Variants in SPP2 observed in about 807,000 individuals in gnomAD.
The protein encoded by SPP2 is secreted phosphoprotein 2, also known as secreted phosphoprotein 24.
In SPP2, 34 loss-of-function variants were observed where a neutral mutation model predicts 28.8. The ratio of observed to expected loss-of-function variants is 1.18; its 90% CI spans 0.90 to 1.57. The LOEUF (loss-of-function observed/expected upper bound fraction) is 1.57, where lower values mean the gene tolerates loss of function less well. Ranked by LOEUF, SPP2 falls within the 40% of genes most tolerant of loss-of-function variation. The pLI is 0.00. For synonymous variants in SPP2, 96 were observed against 89.4 expected, an observed-to-expected ratio of 1.07 and a Z score of -0.42; for missense variants, 269 against 263.9, an observed-to-expected ratio of 1.02 and a Z score of -0.13.
intron 4 of SPP2, among the ~76,000 whole-genome samples, chr2:234,065,581 C>T (rs1440015938): frequency 6.6e-6 from 1 of 152,150 alleles, no homozygotes; most frequent in Admixed American, 6.6e-5. Flanking sequence ...GCCTAGCTCT[C>T]ATTGTGGTTT....
intron 2 of SPP2, among the ~76,000 whole-genome samples, chr2:234,057,929 T>C (rs1347080276): frequency 6.6e-6 from 1 of 152,202 alleles, no homozygotes; most frequent in African/African-American, 2.4e-5. Flanking sequence ...TTCTTACTTG[T>C]AGTAGTTATG....
At position 234,070,596 on chromosome 2, in the gene SPP2, G is replaced by A. The variant is rs112145767; in HGVS notation, c.*10+573G>A. 6.1e-3 allele frequency among the ~76,000 whole-genome samples: 935 copies of A among 152,166 alleles called. 11 individuals are homozygous for A. Among genetic ancestry groups the A allele is most frequent in the African/African-American group, 0.02 (840 of 41,512 alleles). ...CCCACCTCAGCCTCTCTAGTAGCTGGGATTACAGGCTCCTGCCACCACGCT... is the reference window on the plus strand; with the variant it reads ...CCCACCTCAGCCTCTCTAGTAGCTGAGATTACAGGCTCCTGCCACCACGCT... On this transcript the variant is annotated intron_variant, in intron 7 of 7. Transcript: ENST00000168148.
chr2:234,060,735 ACACACACACACG>A, intron 4 of SPP2, among the ~76,000 whole-genome samples: 1 of 145,282 alleles, frequency 6.9e-6, no homozygotes, highest in Middle Eastern at 3.5e-3. Context: ...ACACATATGC[ACACACACACACG>A]CACACACACA....
At chr2:234,068,119 TC>T (rs1484243843) in intron 6 of SPP2, among the ~76,000 whole-genome samples, 1 of 152,114 alleles carries the variant, frequency 6.6e-6, no homozygotes, top group Non-Finnish European at 1.5e-5. Flanking sequence ...TCTCATTTGG[TC>T]CTCATGATAG....
At chr2:234,055,318 T>A (rs1450436039) in intron 2 of SPP2, among the ~76,000 whole-genome samples, 1 of 152,258 alleles carries the variant, frequency 6.6e-6, no homozygotes, top group African/African-American at 2.4e-5. Flanking sequence ...AGAATTCCTT[T>A]CTGATGGGAA....
intron 2 of SPP2, among the ~76,000 whole-genome samples, chr2:234,051,889 A>G (rs1371306465): frequency 3.3e-5 from 5 of 152,152 alleles, no homozygotes; most frequent in African/African-American, 1.2e-4. Flanking sequence ...CCAGATGGAC[A>G]TTGCTTTCTC....
chr2:234,060,539 G>GA, intron 4 of SPP2, 60 bp downstream of exon 4: 1 of 1,377,482 alleles, frequency 7.3e-7, no homozygotes, highest in African/African-American at 1.5e-5. Context: ...GTGGGTTTGT[G>GA]AAAAACAGAG....
Position 234,050,955 on chromosome 2 carries a change from G to T in SPP2, c.86-16G>T. The T allele has an allele frequency of 6.2e-7, 1 of 1,613,994 alleles. No homozygotes were observed. Among genetic ancestry groups the T allele is most frequent in the Non-Finnish European group, 8.5e-7 (1 of 1,179,910 alleles). ...TGTGTCTTGTCTCACTGTGCCCCATGTGCTTGCGTGTCCAGGTTTCCCAGT... is the reference window on the plus strand; with the variant it reads ...TGTGTCTTGTCTCACTGTGCCCCATTTGCTTGCGTGTCCAGGTTTCCCAGT... On this transcript the variant is annotated splice_polypyrimidine_tract_variant and intron_variant, in intron 1 of 7. Transcript: ENST00000168148.
At chr2:234,051,278 T>C (rs1196476888) in intron 2 of SPP2, among the ~76,000 whole-genome samples, 183 bp downstream of exon 2, 2 of 152,238 alleles carry the variant, frequency 1.3e-5, no homozygotes, top group African/African-American at 4.8e-5. Context: ...GTCATGAGGC[T>C]ATCCAAACCA....
intron 7 of SPP2, among the ~76,000 whole-genome samples, chr2:234,070,957 G>A (rs1367658686): frequency 6.6e-6 from 1 of 152,100 alleles, no homozygotes; most frequent in Non-Finnish European, 1.5e-5. Flanking sequence ...CTTGGGTGGT[G>A]TTGCCATTGT....
At chr2:234,053,428 T>C (rs1216726225) in intron 2 of SPP2, among the ~76,000 whole-genome samples, 1 of 152,110 alleles carries the variant, frequency 6.6e-6, no homozygotes, top group Non-Finnish European at 1.5e-5. Flanking sequence ...TGCCCTCAGG[T>C]TTGCTTACCA....
intron 7 of SPP2, among the ~76,000 whole-genome samples, chr2:234,071,626 A>G (rs1366850072): frequency 6.6e-6 from 1 of 152,236 alleles, no homozygotes; most frequent in African/African-American, 2.4e-5. Flanking sequence ...TGGAGTGTTC[A>G]CGGGCTTTAC....
chr2:234,068,329 T>G (rs1055536678), intron 6 of SPP2, among the ~76,000 whole-genome samples: 6 of 152,218 alleles, frequency 3.9e-5, no homozygotes, highest in African/African-American at 1.4e-4. Context: ...CTTAGTGAGT[T>G]CCTGTAATTT....
At chr2:234,064,506 T>G (rs1693779783) in intron 4 of SPP2, among the ~76,000 whole-genome samples, 1 of 152,132 alleles carries the variant, frequency 6.6e-6, no homozygotes, top group African/African-American at 2.4e-5. Flanking sequence ...ATTTTAAATT[T>G]TATATATTTA....
intron 3 of SPP2, 96 bp downstream of exon 3, chr2:234,059,054 G>A (rs1003091183): frequency 6.9e-7 from 1 of 1,451,222 alleles, no homozygotes; most frequent in Non-Finnish European, 9.3e-7. Flanking sequence ...TCGCTGCCTG[G>A]CTAGCATCTG....
At chr2:234,071,891 C>A (rs919103118) in intron 7 of SPP2, among the ~76,000 whole-genome samples, 1 of 152,192 alleles carries the variant, frequency 6.6e-6, no homozygotes, top group Admixed American at 6.5e-5. Flanking sequence ...CACAAACCAC[C>A]ACCACTGAAT....
At position 234,060,359 on chromosome 2, in the gene SPP2, T is replaced by G; in HGVS notation, c.334-10T>G. The G allele has an allele frequency of 6.2e-7, 1 of 1,608,558 alleles. No individual in the cohort carries two copies. Among genetic ancestry groups the G allele is most frequent in the South Asian group, 1.1e-5 (1 of 90,982 alleles). ...GCTGAAGAGAGAACTCACCCCTTTG[T>G]CTTTTCCAGTCCACAGCTGTTTGCA... is the stretch of plus-strand genomic sequence containing the variant. On this transcript the variant is annotated splice_polypyrimidine_tract_variant and intron_variant, in intron 3 of 7. Transcript: ENST00000168148.
At chr2:234,051,133 A>G in intron 2 of SPP2, 38 bp downstream of exon 2, 1 of 1,601,642 alleles carries the variant, frequency 6.2e-7, no homozygotes. Context: ...TCCTCCTTCC[A>G]ATGCTGTCTG....
chr2:234,075,148 T>C (rs1690871678), intron 7 of SPP2, among the ~76,000 whole-genome samples: 1 of 152,164 alleles, frequency 6.6e-6, no homozygotes, highest in Non-Finnish European at 1.5e-5. Flanking sequence ...AAGTTTTTGC[T>C]GCTCCGTGCC....
Sources: allele counts gnomAD v4.1 joint callset (sites outside exome capture counted in the v4.1 genomes callset), GRCh38; gene constraint gnomAD v4.1.1; transcripts MANE v1.5; gene names NCBI Gene and HGNC (gene_info 2026-07-23, HGNC 2026-07-21).